NFIA: variants seen among roughly 807,000 people sequenced by gnomAD.
NFIA encodes the protein nuclear factor I A.
NFIA carries 8 observed loss-of-function variants against 62.8 expected under a neutral mutation model. The ratio of observed to expected loss-of-function variants is 0.13; its 90% CI spans 0.07 to 0.23. The LOEUF (loss-of-function observed/expected upper bound fraction) is 0.23. Among genes scored for constraint, NFIA ranks in the 10% least tolerant of loss-of-function variants. The probability of loss-of-function intolerance (pLI) is 1.00; values close to 1 mark genes in which losing one functional copy is unlikely to be tolerated. For synonymous variants in NFIA, 235 were observed against 238.1 expected, an observed-to-expected ratio of 0.99 and a Z score of 0.12; for missense variants, 410 against 642.1, an observed-to-expected ratio of 0.64 and a Z score of 3.91.
chr1:61,204,883 A>T (rs1652792797), intron 2 of NFIA, among the ~76,000 whole-genome samples: 1 of 152,080 alleles, frequency 6.6e-6, no homozygotes. Context: ...TTCTCTAAAA[A>T]CCTGCTCATT....
intron 2 of NFIA, among the ~76,000 whole-genome samples, chr1:61,177,683 G>A (rs1383281789): frequency 6.6e-6 from 1 of 151,040 alleles, no homozygotes; most frequent in East Asian, 2.0e-4. Context: ...GTGTGTGTGT[G>A]TGTTGGAATA....
rs1233653979 is a variant in NFIA, at chr1:61,088,774, A to G, written c.559+94A>G. ...TGCCGGATTCTTCCTGAGCTCCCCA[A>G]GTTGCAGGCCACGTACATGAAGCCA... On this transcript the variant is annotated intron_variant, in intron 2 of 10. Coordinates refer to ENST00000403491, the MANE Select transcript of NFIA (RefSeq NM_001134673.4). The surrounding 1 kb of genome is among the most constrained non-coding windows in gnomAD (Gnocchi z 4.5). The G allele has an allele frequency of 5.0e-6, 7 of 1,404,020 alleles. No homozygotes were observed. The highest frequency in any genetic ancestry group is 2.3e-5 in the East Asian group (1 of 43,624). The allele number at this position is 1,404,020 out of a possible 1,614,324, so 87.0% of individuals were successfully genotyped here.
intron 2 of NFIA, among the ~76,000 whole-genome samples, chr1:61,205,782 G>A (rs545612539): frequency 7.2e-5 from 11 of 151,978 alleles, no homozygotes; most frequent in South Asian, 6.2e-4. Context: ...ACAGGCTCAC[G>A]TTTAGTCCAG....
intron 3 of NFIA, among the ~76,000 whole-genome samples, chr1:61,314,306 C>T (rs1215784090): frequency 6.6e-6 from 1 of 152,126 alleles, no homozygotes; most frequent in Non-Finnish European, 1.5e-5. Context: ...CCCTACTGGA[C>T]TGCAAGGACC....
intron 2 of NFIA, among the ~76,000 whole-genome samples, chr1:61,107,282 G>A (rs1190289136): frequency 6.6e-6 from 1 of 151,318 alleles, no homozygotes. Context: ...CTGTTTATAC[G>A]ATCACTCGCT....
intron 9 of NFIA, among the ~76,000 whole-genome samples, chr1:61,413,076 A>T (rs528399072): frequency 6.6e-6 from 1 of 152,328 alleles, no homozygotes; most frequent in East Asian, 1.9e-4. Context: ...ACAAAAACTC[A>T]ATTTAAAAAT....
chr1:61,329,381 A>AT (rs58955783), intron 3 of NFIA, among the ~76,000 whole-genome samples: 1,682 of 119,858 alleles, frequency 0.014, 24 homozygotes, highest in African/African-American at 0.041. Flanking sequence ...TTTTAAAGTA[A>AT]TTTTTTTTTT....
chr1:61,447,031 G>C (rs1354370971), intron 10 of NFIA, among the ~76,000 whole-genome samples: 2 of 152,042 alleles, frequency 1.3e-5, no homozygotes, highest in Non-Finnish European at 2.9e-5. Flanking sequence ...ATTAAAATTG[G>C]AATCCGATGT....
chr1:61,325,698 C>T (rs536212940), intron 3 of NFIA, among the ~76,000 whole-genome samples: 1 of 152,156 alleles, frequency 6.6e-6, no homozygotes, highest in South Asian at 2.1e-4. Context: ...GCAGGCGGAT[C>T]ATGAGGTCAG....
chr1:61,275,156 C>T (rs1657734091), intron 2 of NFIA, among the ~76,000 whole-genome samples: 3 of 152,156 alleles, frequency 2.0e-5, no homozygotes, highest in Admixed American at 2.0e-4. Context: ...TGAGCTTTCA[C>T]GAGAATGCGG....
chr1:61,304,399 C>A (rs1364035976), intron 3 of NFIA, among the ~76,000 whole-genome samples: 2 of 152,190 alleles, frequency 1.3e-5, no homozygotes, highest in African/African-American at 4.8e-5. Context: ...GTTATGTCAA[C>A]CTAAAATTCC....
At chr1:61,319,427 A>G (rs1437992829) in intron 3 of NFIA, among the ~76,000 whole-genome samples, 1 of 152,184 alleles carries the variant, frequency 6.6e-6, no homozygotes, top group Non-Finnish European at 1.5e-5. Context: ...AGATATACTG[A>G]GTACCCACCA....
At chr1:61,146,000 T>C (rs1338926942) in intron 2 of NFIA, among the ~76,000 whole-genome samples, 2 of 152,186 alleles carry the variant, frequency 1.3e-5, no homozygotes, top group Non-Finnish European at 2.9e-5. Flanking sequence ...CCCTGATAGG[T>C]CTGGAGGTGG....
intron 10 of NFIA, among the ~76,000 whole-genome samples, chr1:61,433,944 A>G (rs534822569): frequency 4.6e-5 from 7 of 152,318 alleles, no homozygotes; most frequent in Middle Eastern, 3.4e-3. Flanking sequence ...CTACTTACCA[A>G]AAGCAACCGT....
intron 4 of NFIA, among the ~76,000 whole-genome samples, chr1:61,344,009 G>A (rs1325988640): frequency 6.6e-6 from 1 of 152,108 alleles, no homozygotes; most frequent in Non-Finnish European, 1.5e-5. Context: ...AGGAAACTCT[G>A]GCAGAGAGCA....
At chr1:61,083,053 G>C (rs1364940974) in intron 1 of NFIA, among the ~76,000 whole-genome samples, 5 of 152,152 alleles carry the variant, frequency 3.3e-5, no homozygotes, top group Non-Finnish European at 4.4e-5. Context: ...CCTCTTGCAC[G>C]GCCATTTGTG....
At position 61,133,270 on chromosome 1, in the gene NFIA, GT is replaced by G. The variant is rs932007932; in HGVS notation, c.559+44601del. On this transcript the variant is annotated intron_variant, in intron 2 of 10. Transcript: ENST00000403491. ...AGGAAGGGAGGCGGGAGTGGCTGGAGTTTTTTTTTTTCTCTGTTGACCTAAT... is the reference window on the plus strand; with the variant it reads ...AGGAAGGGAGGCGGGAGTGGCTGGAGTTTTTTTTTTCTCTGTTGACCTAAT... Among the ~76,000 whole-genome samples, 21 of 146,056 alleles carry G rather than the reference GT, an allele frequency of 1.4e-4. No homozygotes were observed. The East Asian group carries it at 1.8e-3, about 12-fold the overall frequency.
At chr1:61,267,414 C>T (rs907769610) in intron 2 of NFIA, among the ~76,000 whole-genome samples, 2 of 152,106 alleles carry the variant, frequency 1.3e-5, no homozygotes, top group Admixed American at 1.3e-4. Flanking sequence ...GAGGCTGAGG[C>T]AGGAGAATCA....
intron 3 of NFIA, among the ~76,000 whole-genome samples, chr1:61,323,118 CT>C (rs1660761921): frequency 6.6e-6 from 1 of 152,194 alleles, no homozygotes; most frequent in Admixed American, 6.5e-5. Flanking sequence ...TCTCAAACCT[CT>C]TTTTGCCCCA....
Sources: gnomAD v4.1 joint callset for allele counts (sites outside exome capture counted in the v4.1 genomes callset) on GRCh38, gnomAD v4.1.1 for gene constraint, Gnocchi (gnomAD v3.1) non-coding constraint, MANE v1.5 for transcripts, NCBI Gene and HGNC (gene_info 2026-07-23, HGNC 2026-07-21) for gene names.